Variants in MAPKAP1 observed in about 807,000 individuals in gnomAD.
MAPKAP1 encodes target of rapamycin complex 2 subunit MAPKAP1.
A neutral mutation model predicts 65.7 loss-of-function variants in MAPKAP1; 20 were observed. The ratio of observed to expected loss-of-function variants is 0.30; its 90% confidence interval spans 0.21 to 0.44. The LOEUF (loss-of-function observed/expected upper bound fraction) is 0.44, where lower values mean the gene tolerates loss of function less well. Ranked by LOEUF, MAPKAP1 falls within the 20% of genes least tolerant of loss-of-function variation. MAPKAP1 has a pLI of 1.00. For synonymous variants in MAPKAP1, 222 were observed against 244.3 expected (o/e 0.91, Z 0.85); for missense variants, 423 against 648.0 (o/e 0.65, Z 3.77).
intron 5 of MAPKAP1, among the ~76,000 whole-genome samples, chr9:125,574,961 C>A (rs1162305469): frequency 2.0e-5 from 3 of 152,232 alleles, no homozygotes; most frequent in Admixed American, 6.5e-5. Context: ...CAGCCTGTAG[C>A]TGTGAATCTC....
At chr9:125,449,688 T>C (rs955903313) in intron 10 of MAPKAP1, among the ~76,000 whole-genome samples, 2 of 152,290 alleles carry the variant, frequency 1.3e-5, no homozygotes, top group African/African-American at 4.8e-5. Flanking sequence ...CGTCCAGCTT[T>C]TGTGCTTTAA....
chr9:125,510,105 G>C (rs960445546), intron 7 of MAPKAP1, among the ~76,000 whole-genome samples: 1 of 152,096 alleles, frequency 6.6e-6, no homozygotes, highest in Non-Finnish European at 1.5e-5. Flanking sequence ...ACCCCCAGAG[G>C]CAGATATATT....
At chr9:125,521,678 C>T (rs1829621477) in intron 7 of MAPKAP1, 1 of 1,589,060 alleles carries the variant, frequency 6.3e-7, no homozygotes, top group African/African-American at 1.4e-5. Context: ...ACATCCAGTC[C>T]AGTACTCAAA....
At chr9:125,669,434 C>T (rs756116099) in intron 3 of MAPKAP1, among the ~76,000 whole-genome samples, 12 of 152,086 alleles carry the variant, frequency 7.9e-5, no homozygotes, top group Non-Finnish European at 1.8e-4. Flanking sequence ...GAGCCAAGAC[C>T]GTGCCATTGC....
chr9:125,660,547 T>G (rs935070045), intron 3 of MAPKAP1, among the ~76,000 whole-genome samples: 3 of 152,188 alleles, frequency 2.0e-5, no homozygotes, highest in Non-Finnish European at 4.4e-5. Context: ...CATCCAACTT[T>G]CTACTGGACA....
chr9:125,638,212 C>T (rs938878681), intron 4 of MAPKAP1, among the ~76,000 whole-genome samples: 4 of 152,122 alleles, frequency 2.6e-5, no homozygotes, highest in Non-Finnish European at 4.4e-5. Context: ...TTTAATCTGG[C>T]CACCAATGAA....
chr9:125,502,890 A>C (rs549394415), intron 8 of MAPKAP1, among the ~76,000 whole-genome samples: 4 of 152,338 alleles, frequency 2.6e-5, no homozygotes, highest in South Asian at 4.1e-4. Context: ...ACCTCCCTCC[A>C]TGATTGGAGA....
At position 125,657,685 on chromosome 9, in the gene MAPKAP1, T is replaced by C; in HGVS notation, c.464A>G (p.Asn155Ser). The C allele has an allele frequency of 6.2e-7, 1 of 1,612,556 alleles. No individual in the cohort carries two copies. Among genetic ancestry groups the C allele is most frequent in the Non-Finnish European group, 8.5e-7 (1 of 1,179,458 alleles). ...RLEQCPLQLNNPFNEYSKFDG... is the reference protein window; with the variant it reads ...RLEQCPLQLNSPFNEYSKFDG... ...AAATTTGGAATACTCGTTAAAAGGG[T>C]TATTCAGCTGCAGAGGGCACTGTTC... The change falls in exon 4 of 12, where the codon AAC (asparagine) becomes AGC (serine). Residue 155 changes from asparagine to serine, a missense_variant. Coordinates refer to ENST00000265960, the MANE Select transcript of MAPKAP1 (RefSeq NM_001006617.3).
chr9:125,519,976 G>A (rs983619373), intron 7 of MAPKAP1, among the ~76,000 whole-genome samples: 3 of 152,124 alleles, frequency 2.0e-5, no homozygotes, highest in Non-Finnish European at 4.4e-5. Flanking sequence ...AATAAAGTGT[G>A]TATCTAGGGA....
intron 7 of MAPKAP1, chr9:125,542,832 C>A: frequency 1.5e-6 from 1 of 671,572 alleles, no homozygotes; most frequent in Non-Finnish European, 2.8e-6. Flanking sequence ...GAAGGAACTT[C>A]CACAATTGAT....
At chr9:125,616,874 G>C (rs1832761015) in intron 4 of MAPKAP1, among the ~76,000 whole-genome samples, 1 of 152,198 alleles carries the variant, frequency 6.6e-6, no homozygotes, top group South Asian at 2.1e-4. Flanking sequence ...AATCAATTTA[G>C]CCAATTTCAA....
chr9:125,634,936 G>C (rs987375736), intron 4 of MAPKAP1, among the ~76,000 whole-genome samples: 1 of 152,016 alleles, frequency 6.6e-6, no homozygotes, highest in Non-Finnish European at 1.5e-5. Flanking sequence ...ACAGAAGCTG[G>C]GACAGTAATC....
intron 7 of MAPKAP1, chr9:125,521,613 G>A: frequency 6.7e-7 from 1 of 1,501,706 alleles, no homozygotes; most frequent in Non-Finnish European, 8.8e-7. Flanking sequence ...TTAGCTGTGG[G>A]GAACAGACAG....
intron 1 of MAPKAP1, among the ~76,000 whole-genome samples, chr9:125,702,332 C>T (rs1255679145): frequency 1.3e-5 from 2 of 151,910 alleles, no homozygotes; most frequent in Non-Finnish European, 2.9e-5. Flanking sequence ...GTCGGGAGTT[C>T]GAGACCAGCC....
intron 4 of MAPKAP1, among the ~76,000 whole-genome samples, chr9:125,648,197 C>A (rs1833786317): frequency 6.6e-6 from 1 of 152,168 alleles, no homozygotes; most frequent in Non-Finnish European, 1.5e-5. Context: ...CCAGCTCTGC[C>A]ACACACTAGT....
rs1484864434 is a variant in MAPKAP1 at position 125,521,438 on chromosome 9, A to G, written c.959-15021T>C. 6 of 1,120,170 alleles carry G rather than the reference A, an allele frequency of 5.4e-6. No homozygotes were observed. In the East Asian group the frequency reaches 2.9e-4, roughly 54 times the overall value. 69.4% of individuals were successfully genotyped at this position (1,120,170 alleles called of 1,614,324 possible). On this transcript the variant is annotated intron_variant, in intron 7 of 11. Coordinates refer to ENST00000265960, the MANE Select transcript of MAPKAP1 (RefSeq NM_001006617.3). ...ACAATACCAAATTTTACATACAGTTATCTGTTGCTCTGTAAAGAAATACAG... is the reference window on the plus strand; with the variant it reads ...ACAATACCAAATTTTACATACAGTTGTCTGTTGCTCTGTAAAGAAATACAG...
intron 9 of MAPKAP1, among the ~76,000 whole-genome samples, chr9:125,469,530 G>A (rs1252901014): frequency 2.6e-5 from 4 of 152,242 alleles, no homozygotes; most frequent in Non-Finnish European, 4.4e-5. Flanking sequence ...GAAGAAGAAT[G>A]TGTGCAGACA....
chr9:125,683,589 C>T (rs1484533196), intron 1 of MAPKAP1, among the ~76,000 whole-genome samples: 1 of 152,158 alleles, frequency 6.6e-6, no homozygotes, highest in South Asian at 2.1e-4. Context: ...ATGAATTCCA[C>T]TACCCAACCT....
intron 1 of MAPKAP1, 21 bp from the exon 2 acceptor site, chr9:125,672,664 G>T: frequency 7.1e-7 from 1 of 1,415,614 alleles, no homozygotes; most frequent in Non-Finnish European, 9.7e-7. Context: ...GATGTACACA[G>T]CAAATATTTA....
Sources: allele counts gnomAD v4.1 joint callset (sites outside exome capture counted in the v4.1 genomes callset), GRCh38; gene constraint gnomAD v4.1.1; transcripts MANE v1.5; gene names NCBI Gene and HGNC (gene_info 2026-07-23, HGNC 2026-07-21).